Variants in PAX8 observed in about 807,000 individuals in gnomAD.
The protein encoded by PAX8 is paired box 8.
Under a neutral mutation model 52.4 loss-of-function variants are expected in PAX8, and 15 were observed. That is an observed-to-expected ratio of 0.29 (90% CI 0.19 to 0.44). PAX8 has a LOEUF of 0.44. Ranked by LOEUF, PAX8 falls within the 20% of genes least tolerant of loss-of-function variation. PAX8 has a pLI of 1.00. For missense variants in PAX8, 554 were observed against 602.5 expected (o/e 0.92, Z 0.84); for synonymous variants, 284 against 249.7 (o/e 1.14, Z -1.29).
rs1412024409 is a variant in PAX8, at chr2:113,218,591, C to G, written c.1295G>C (p.Ser432Thr). Residue 432 changes from serine (S) to threonine (T), a missense_variant, in exon 12 of 12, where the codon AGT (serine) becomes ACT (threonine). Coordinates refer to ENST00000429538, the MANE Select transcript of PAX8 (RefSeq NM_003466.4). ...CGGTGCACTCGGCCTTGATGTGGAA[C>G]TGTAATAATATGGGGAACCTGGACA... is the stretch of plus-strand genomic sequence containing the variant. ...SSLLSSPYYY[S>T]STSRPSAPPT... 1.3e-6 allele frequency: 2 copies of G among 1,558,292 alleles called. No homozygotes were observed. The highest frequency in any genetic ancestry group is 1.7e-6 in the Non-Finnish European group (2 of 1,150,502).
intron 2 of PAX8, among the ~76,000 whole-genome samples, chr2:113,277,932 C>A (rs1369262343): frequency 6.6e-6 from 1 of 151,726 alleles, no homozygotes; most frequent in East Asian, 2.0e-4. Flanking sequence ...AGCTCACAGT[C>A]CAGCCAGGGG....
chr2:113,218,682 A>G (rs1689110358), intron 11 of PAX8, 73 bp from the exon 12 acceptor site: 3 of 922,520 alleles, frequency 3.3e-6, no homozygotes, highest in Non-Finnish European at 5.1e-6. Flanking sequence ...CCTTCCCTGC[A>G]TCTGCTGACC....
chr2:113,234,424 A>G (rs1690115590), intron 9 of PAX8, among the ~76,000 whole-genome samples: 1 of 152,272 alleles, frequency 6.6e-6, no homozygotes, highest in Non-Finnish European at 1.5e-5. Context: ...AGACCTTGGC[A>G]GGGACCTTCT....
At chr2:113,234,767 C>T (rs995540390) in intron 9 of PAX8, among the ~76,000 whole-genome samples, 3 of 152,200 alleles carry the variant, frequency 2.0e-5, no homozygotes, top group Non-Finnish European at 4.4e-5. Context: ...ATCCACCTGC[C>T]TCGGCCTCCC....
chr2:113,228,579 A>G (rs1469180172), intron 9 of PAX8, among the ~76,000 whole-genome samples: 1 of 152,246 alleles, frequency 6.6e-6, no homozygotes, highest in South Asian at 2.1e-4. Context: ...GCCTCCAGAC[A>G]TTGCCATATG....
At chr2:113,241,119 G>T in intron 7 of PAX8, 1 of 322,760 alleles carries the variant, frequency 3.1e-6, no homozygotes, top group East Asian at 8.2e-5. Flanking sequence ...CGAGGGTGGT[G>T]AGCTCGGGGC....
chr2:113,236,476 G>A (rs1271534073), intron 8 of PAX8, 125 bp downstream of exon 8: 1 of 1,154,918 alleles, frequency 8.7e-7, no homozygotes, highest in East Asian at 2.6e-5. Context: ...GGGCCCACCT[G>A]GCGGCCCGGC....
intron 9 of PAX8, 25 bp downstream of exon 9, chr2:113,235,369 T>G: frequency 6.5e-7 from 1 of 1,547,068 alleles, no homozygotes; most frequent in East Asian, 2.4e-5. Context: ...CATAGCTGCA[T>G]GGCCCCGGGA....
At chr2:113,230,522 A>T (rs1320125158) in intron 9 of PAX8, 1 of 152,180 alleles carries the variant, frequency 6.6e-6, no homozygotes, top group Non-Finnish European at 1.5e-5. Context: ...TCAGTCACCT[A>T]ATGTCTTCCC....
At position 113,278,329 on chromosome 2, in the gene PAX8, G is replaced by A. The variant is rs762918269; in HGVS notation, c.25+41C>T. 5 of 1,467,086 alleles carry A rather than the reference G, an allele frequency of 3.4e-6. No homozygotes were observed. The East Asian group carries it at 6.9e-5, about 20-fold the overall frequency. 90.9% of individuals were successfully genotyped at this position (1,467,086 alleles called of 1,614,324 possible). On this transcript the variant is annotated intron_variant, in intron 2 of 11. Coordinates refer to ENST00000429538, the MANE Select transcript of PAX8 (RefSeq NM_003466.4). ...CCGAGCGCACGCACGGACGCTCAGCGGCGCGGGGGCTCGGGGATCCTGACC... is the reference window on the plus strand; with the variant it reads ...CCGAGCGCACGCACGGACGCTCAGCAGCGCGGGGGCTCGGGGATCCTGACC...
chr2:113,274,939 A>AT (rs1402568159), intron 2 of PAX8: 7 of 152,236 alleles, frequency 4.6e-5, no homozygotes, highest in African/African-American at 1.4e-4. Flanking sequence ...ATTTGAGGCC[A>AT]TAAATAGAAC....
intron 8 of PAX8, chr2:113,235,820 G>C: frequency 1.9e-6 from 1 of 528,366 alleles, no homozygotes. Context: ...GAAGGCGTGT[G>C]TGCGCCCGCC....
Position 113,241,724 on chromosome 2 carries a change from C to G in PAX8, c.604G>C (p.Asp202His). 6.2e-7 allele frequency: 1 copy of G among 1,614,008 alleles called. No homozygotes were observed. Among genetic ancestry groups the G allele is most frequent in the Middle Eastern group, 1.7e-4 (1 of 5,980 alleles). The change falls in exon 7 of 12, where the codon GAT (aspartate) becomes CAT (histidine). Residue 202 changes from aspartate to histidine, a missense_variant and splice_region_variant. By Grantham distance (81) the Asp-to-His change is moderately conservative. Transcript: ENST00000429538. ...ATGCTTAGTCGGCAGCTATCCTGAT[C>G]ACCTGGTACCCCCCGGGAAGGAAGA... ...GSDKRKMDDS[D>H]QDSCRLSIDS...
intron 6 of PAX8, 27 bp downstream of exon 6, chr2:113,241,981 C>T (rs939850731): frequency 2.0e-5 from 32 of 1,612,160 alleles, no homozygotes; most frequent in Non-Finnish European, 2.3e-5. Context: ...CGTGCACCGC[C>T]CGCTGCCCTC....
At position 113,217,778 on chromosome 2, in the gene PAX8, GT is replaced by G. The variant is rs1689076288; in HGVS notation, c.*754del. 1 of 233,448 alleles carries G rather than the reference GT, an allele frequency of 4.3e-6. No individual in the cohort carries two copies. Among genetic ancestry groups the G allele is most frequent in the Non-Finnish European group, 8.5e-6 (1 of 118,248 alleles). The allele number at this position is 233,448 out of a possible 1,614,324, so 14.5% of individuals were successfully genotyped here. On this transcript the variant is annotated 3_prime_UTR_variant, in exon 12 of 12. Coordinates refer to ENST00000429538, the MANE Select transcript of PAX8 (RefSeq NM_003466.4). The stretch of plus-strand genomic sequence containing the variant: ...GGGGCCCAGGCCCTGTGGAATGTCT[GT>G]TTTAAGCTCCCTGGGGCTGGCCTGG...
intron 9 of PAX8, among the ~76,000 whole-genome samples, chr2:113,228,229 G>A (rs1425956047): frequency 6.6e-6 from 1 of 152,156 alleles, no homozygotes; most frequent in African/African-American, 2.4e-5. Context: ...GTGTCCTGCA[G>A]GCCCCAATCA....
At chr2:113,224,050 G>C (rs949127679) in intron 10 of PAX8, among the ~76,000 whole-genome samples, 1 of 152,142 alleles carries the variant, frequency 6.6e-6, no homozygotes. Flanking sequence ...AGATTGAAAA[G>C]GGGATGAAAA....
intron 2 of PAX8, among the ~76,000 whole-genome samples, chr2:113,277,661 G>T (rs1221825642): frequency 1.3e-5 from 2 of 152,196 alleles, no homozygotes; most frequent in Non-Finnish European, 2.9e-5. Flanking sequence ...CAAAGACCCT[G>T]CCCAGCCCTG....
chr2:113,244,178 A>T (rs1159037263), intron 4 of PAX8, among the ~76,000 whole-genome samples: 1 of 152,170 alleles, frequency 6.6e-6, no homozygotes, highest in Non-Finnish European at 1.5e-5. Flanking sequence ...GTGGTGTTTG[A>T]GGAAGGAAAC....
Sources: gnomAD v4.1 joint callset for allele counts (sites outside exome capture counted in the v4.1 genomes callset) on GRCh38, gnomAD v4.1.1 for gene constraint, MANE v1.5 for transcripts, NCBI Gene and HGNC (gene_info 2026-07-23, HGNC 2026-07-21) for gene names.